FLNB: variants seen among roughly 807,000 people sequenced by gnomAD.
FLNB encodes the protein filamin-B.
FLNB carries 111 observed loss-of-function variants against 250.6 expected under a neutral mutation model. The ratio of observed to expected loss-of-function variants is 0.44; its 90% confidence interval spans 0.38 to 0.52. FLNB has a LOEUF of 0.52. FLNB is among the 20% of genes least tolerant of loss of function. The pLI is 0.00. For missense variants in FLNB, 2,869 were observed against 3,447.8 expected, an observed-to-expected ratio of 0.83 and a Z score of 4.20; for synonymous variants, 1,302 against 1,372.1, an observed-to-expected ratio of 0.95 and a Z score of 1.13.
chr3:58,169,520 C>T lies in FLNB; in HGVS notation c.7418-70C>T, dbSNP rs2097377528. The T allele has an allele frequency of 1.6e-6, 2 of 1,285,698 alleles. No homozygotes were observed. Among genetic ancestry groups the T allele is most frequent in the Admixed American group, 1.7e-5 (1 of 59,610 alleles). 79.6% of individuals were successfully genotyped at this position (1,285,698 alleles called of 1,614,324 possible). On this transcript the variant is annotated intron_variant, in intron 44 of 45. Transcript: ENST00000295956. This position sits in a 1 kb window ranked among gnomAD's most constrained non-coding sequence, Gnocchi z 4.8. ...TGGGGTTACTGTGTAGGGTACTCGC[C>T]TGTCCTCTGGCTGAGAGACCCCTCT...
rs535980434 is a variant in FLNB, at chr3:58,031,773, G to A, written c.292+22917G>A. Among the ~76,000 whole-genome samples, 10 of 150,306 alleles carry A rather than the reference G, an allele frequency of 6.7e-5. 1 individual carries two copies. In the South Asian group the frequency reaches 1.9e-3, roughly 29 times the overall value. ...TGCCCAGGCTGGTCTCGAACCCCTG[G>A]GTTCAAGCCATCCTCCCACCTTGGC... On this transcript the variant is annotated intron_variant, in intron 1 of 45. Transcript: ENST00000295956.
Position 58,108,087 on chromosome 3 carries a change from A to ACC in FLNB, c.1942-371_1942-370insCC, listed in dbSNP as rs201026705. ...GGAGAAGAATTGTCTTGGGCCACAC[A>ACC]TAAAATACTAATGATAGCCGATGAA... On this transcript the variant is annotated intron_variant, in intron 12 of 45. Coordinates refer to ENST00000295956, the MANE Select transcript of FLNB (RefSeq NM_001457.4). 6.1e-3 allele frequency among the ~76,000 whole-genome samples: 930 copies of ACC among 152,340 alleles called. 42 individuals are homozygous for ACC. In the East Asian group the frequency reaches 0.14, roughly 23 times the overall value.
At chr3:58,048,606 G>A (rs1285125252) in intron 1 of FLNB, among the ~76,000 whole-genome samples, 2 of 152,144 alleles carry the variant, frequency 1.3e-5, no homozygotes, top group South Asian at 2.1e-4. Context: ...AGTGGTGTCC[G>A]CCTGCTCTCT....
In FLNB at chr3:58,008,594, G is replaced by A; in HGVS notation, c.30G>A (p.Glu10=). MPVTEKDLA[E]DAPWKKIQQN... ...CGGTAACCGAGAAGGATCTAGCTGAGGACGCGCCTTGGAAGAAGATCCAGC... is the reference window on the plus strand; with the variant it reads ...CGGTAACCGAGAAGGATCTAGCTGAAGACGCGCCTTGGAAGAAGATCCAGC... The change falls in exon 1 of 46, where the codon GAG becomes GAA. Residue 10 remains glutamate, a synonymous_variant. Coordinates refer to ENST00000295956, the MANE Select transcript of FLNB (RefSeq NM_001457.4). 1 of 1,608,628 alleles carries A rather than the reference G, an allele frequency of 6.2e-7. No homozygotes were observed. Among genetic ancestry groups the A allele is most frequent in the Non-Finnish European group, 8.5e-7 (1 of 1,177,936 alleles).
chr3:58,103,372 G>A (rs1037528683), intron 9 of FLNB, among the ~76,000 whole-genome samples: 4 of 152,038 alleles, frequency 2.6e-5, no homozygotes, highest in Admixed American at 6.6e-5. Flanking sequence ...TTGACTCAAC[G>A]GCTTTCCTGG....
At chr3:58,056,096 T>TATTC (rs2097169949) in intron 1 of FLNB, among the ~76,000 whole-genome samples, 1 of 132,456 alleles carries the variant, frequency 7.5e-6, no homozygotes, top group Admixed American at 7.0e-5. Flanking sequence ...TTTATTTATT[T>TATTC]ATTTATTTAT....
At chr3:58,051,943 A>G (rs562413395) in intron 1 of FLNB, among the ~76,000 whole-genome samples, 159 of 152,120 alleles carry the variant, frequency 1.0e-3, no homozygotes, top group Non-Finnish European at 1.9e-3. Flanking sequence ...CTGGAGTGTA[A>G]TGGCACGATC....
At chr3:58,032,389 A>T (rs1469997926) in intron 1 of FLNB, among the ~76,000 whole-genome samples, 2 of 152,152 alleles carry the variant, frequency 1.3e-5, no homozygotes, top group African/African-American at 4.8e-5. Flanking sequence ...GGCTGAGCTA[A>T]TTACCTTAGA....
intron 1 of FLNB, among the ~76,000 whole-genome samples, chr3:58,065,041 T>C (rs2097183618): frequency 6.6e-6 from 1 of 152,034 alleles, no homozygotes; most frequent in South Asian, 2.1e-4. Context: ...CCCCGGACCC[T>C]GTCTCAAAAA....
chr3:58,146,147 A>T, intron 33 of FLNB, 98 bp downstream of exon 33: 1 of 1,301,048 alleles, frequency 7.7e-7, no homozygotes, highest in South Asian at 1.2e-5. Flanking sequence ...AGACAATCGA[A>T]TGGTAGTATT....
intron 25 of FLNB, chr3:58,132,025 C>T (rs1575439437): frequency 1.3e-6 from 2 of 1,518,086 alleles, no homozygotes; most frequent in East Asian, 2.5e-5. Context: ...GACAGGTTTG[C>T]ATTTTCCCAT....
intron 1 of FLNB, among the ~76,000 whole-genome samples, chr3:58,024,207 C>T (rs933020474): frequency 4.6e-5 from 7 of 152,184 alleles, no homozygotes; most frequent in Non-Finnish European, 7.3e-5. Context: ...TTCCGGAGTG[C>T]TTCAGAGCAT....
Position 58,062,146 on chromosome 3 carries a change from G to A in FLNB, c.293-14900G>A, listed in dbSNP as rs988001574. On this transcript the variant is annotated intron_variant, in intron 1 of 45. Coordinates refer to ENST00000295956, the MANE Select transcript of FLNB (RefSeq NM_001457.4). ...AATAAATAACAACAATAAAATGAAA[G>A]CCCATCTTCCACCATCAGCTTCTTA... Among the ~76,000 whole-genome samples, 92 of 152,072 alleles carry A rather than the reference G, an allele frequency of 6.0e-4. 3 individuals are homozygous for A. Among genetic ancestry groups the A allele is most frequent in the Non-Finnish European group, 2.6e-4 (18 of 68,004 alleles).
chr3:58,131,796 T>G, intron 25 of FLNB: 1 of 669,922 alleles, frequency 1.5e-6, no homozygotes. Flanking sequence ...AGGACCTGCA[T>G]GTGTTTGTGT....
At chr3:58,100,373 A>AAAAAAAAAATATATATATATATATAT in intron 8 of FLNB, among the ~76,000 whole-genome samples, 30 of 104,344 alleles carry the variant, frequency 2.9e-4, no homozygotes, top group South Asian at 1.0e-3. Context: ...GTAAAAAAAA[A>AAAAAAAAAATATATATATATATATAT]ATATATATAT....
At chr3:58,072,482 A>T (rs2097196062) in intron 1 of FLNB, among the ~76,000 whole-genome samples, 1 of 152,166 alleles carries the variant, frequency 6.6e-6, no homozygotes. Flanking sequence ...TCAGATCTGA[A>T]AAGTGTCTCA....
At position 58,156,902 on chromosome 3, in the gene FLNB, G is replaced by A. The variant is rs967048354; in HGVS notation, c.6888+827G>A. 2.0e-5 allele frequency among the ~76,000 whole-genome samples: 3 copies of A among 152,094 alleles called. No individual in the cohort carries two copies. The East Asian group carries it at 5.8e-4, about 29-fold the overall frequency. On this transcript the variant is annotated intron_variant, in intron 41 of 45. Transcript: ENST00000295956. ...CGTAGAGATGGGGTTGCACCATGTT[G>A]GCCAGGCTGGTCTCAAACTCCTGAC... is the stretch of plus-strand genomic sequence containing the variant.
At chr3:58,056,647 G>T (rs1010088918) in intron 1 of FLNB, among the ~76,000 whole-genome samples, 2 of 152,178 alleles carry the variant, frequency 1.3e-5, no homozygotes, top group Non-Finnish European at 2.9e-5. Context: ...TGTTGCCCAG[G>T]CTGGAGTGCA....
intron 1 of FLNB, among the ~76,000 whole-genome samples, chr3:58,050,851 G>C (rs1432971932): frequency 6.6e-6 from 1 of 152,168 alleles, no homozygotes; most frequent in East Asian, 1.9e-4. Context: ...GGGCAAATAG[G>C]CCTCTCCCAG....
Sources: gnomAD v4.1 joint callset for allele counts (sites outside exome capture counted in the v4.1 genomes callset) on GRCh38, gnomAD v4.1.1 for gene constraint, Gnocchi (gnomAD v3.1) non-coding constraint, MANE v1.5 for transcripts, NCBI Gene and HGNC (gene_info 2026-07-23, HGNC 2026-07-21) for gene names.